TIMM50: variants seen among roughly 807,000 people sequenced by gnomAD.
TIMM50 encodes translocase of inner mitochondrial membrane 50, also known as mitochondrial import inner membrane translocase subunit TIM50.
In TIMM50, 34 loss-of-function variants were observed where a neutral mutation model predicts 49.6. That is an observed-to-expected ratio of 0.69 (90% CI 0.52 to 0.91). TIMM50 has a LOEUF of 0.91. Among genes scored for constraint, TIMM50 ranks in the 40% least tolerant of loss-of-function variants. TIMM50 has a pLI of 0.00. For missense variants in TIMM50, 458 were observed against 477.8 expected, an observed-to-expected ratio of 0.96 and a Z score of 0.39; for synonymous variants, 199 against 198.4, an observed-to-expected ratio of 1.00 and a Z score of -0.03.
At position 39,485,740 on chromosome 19, in the gene TIMM50, C is replaced by T. The variant is rs367906416; in HGVS notation, c.425C>T (p.Pro142Leu). 16 of 1,614,010 alleles carry T rather than the reference C, an allele frequency of 9.9e-6. 1 individual carries two copies. Among genetic ancestry groups the T allele is most frequent in the South Asian group, 2.2e-5 (2 of 91,082 alleles). Reference sequence around the variant, plus strand: ...CTTCTCCCAGACCCTCTGCAGGAACCGTACTACCAGCCACCCTACACGCTC... The same window carrying T: ...CTTCTCCCAGACCCTCTGCAGGAACTGTACTACCAGCCACCCTACACGCTC... ...PCLLPDPLQE[P>L]YYQPPYTLVL... Residue 142 changes from proline (P) to leucine (L), a missense_variant, in exon 6 of 11, where the codon CCG (proline) becomes CTG (leucine). Physicochemically the swap from Pro to Leu is moderately conservative, Grantham distance 98. Transcript: ENST00000607714.
At chr19:39,483,642 A>G (rs2079486766) in intron 4 of TIMM50, 1 of 156,626 alleles carries the variant, frequency 6.4e-6, no homozygotes, top group African/African-American at 2.4e-5. Context: ...CTAGGAGAAA[A>G]ATGAAATTGG....
intron 8 of TIMM50, 72 bp from the exon 9 acceptor site, chr19:39,487,986 TTTG>T: frequency 6.5e-7 from 1 of 1,542,480 alleles, no homozygotes; most frequent in Non-Finnish European, 8.8e-7. Flanking sequence ...GTATGTATGT[TTTG>T]TGTGTTTTGG....
At chr19:39,482,113 A>G (rs2079476678) in intron 2 of TIMM50, 80 bp downstream of exon 2, 1 of 1,540,468 alleles carries the variant, frequency 6.5e-7, no homozygotes, top group Non-Finnish European at 8.8e-7. Flanking sequence ...CTTGCCCACT[A>G]CCAGCTTCTC....
chr19:39,487,438 A>AATTTTT (rs1600741587), intron 8 of TIMM50, among the ~76,000 whole-genome samples: 1 of 150,514 alleles, frequency 6.6e-6, no homozygotes, highest in Non-Finnish European at 1.5e-5. Context: ...ATGCCTGGCT[A>AATTTTT]ATTTTTATTT....
intron 6 of TIMM50, 47 bp from the exon 7 acceptor site, chr19:39,486,140 G>C: frequency 6.3e-7 from 1 of 1,584,364 alleles, no homozygotes; most frequent in South Asian, 1.1e-5. Context: ...TGGGGACTCT[G>C]AGGACCTCTG....
intron 1 of TIMM50, 76 bp from the exon 2 acceptor site, chr19:39,481,807 T>C (rs2079473738): frequency 6.5e-7 from 1 of 1,537,284 alleles, no homozygotes; most frequent in South Asian, 1.2e-5. Flanking sequence ...CTGAACTTGA[T>C]TCTTCTTGGA....
At position 39,485,766 on chromosome 19, in the gene TIMM50, G is replaced by A. The variant is rs199511949; in HGVS notation, c.451G>A (p.Val151Ile). ...EPYYQPPYTL[V>I]LELTGVLLHP... ...GTACTACCAGCCACCCTACACGCTCGTTTTGGAGCTCACCGGCGTCCTCTT... is the reference window on the plus strand; with the variant it reads ...GTACTACCAGCCACCCTACACGCTCATTTTGGAGCTCACCGGCGTCCTCTT... Residue 151 changes from valine (V) to isoleucine (I), a missense_variant, in exon 6 of 11, where the codon GTT becomes ATT. Physicochemically the swap from Val to Ile is conservative, Grantham distance 29. Transcript: ENST00000607714. The A allele has an allele frequency of 1.8e-5, 29 of 1,614,124 alleles. No individual in the cohort carries two copies. The East Asian group carries it at 2.2e-4, about 12-fold the overall frequency.
Position 39,493,702 on chromosome 19 carries a change from C to T in TIMM50, c.*3882C>T, listed in dbSNP as rs1200868233. ...CTTCCCAAATACTATAAAACAGCCC[C>T]ACCCCTATCTCCCTTCGCTGACTCT... On this transcript the variant is annotated 3_prime_UTR_variant, in exon 11 of 11. Transcript: ENST00000607714. The T allele has an allele frequency of 1.3e-5, 2 of 152,188 alleles. No individual in the cohort carries two copies. The highest frequency in any genetic ancestry group is 2.9e-5 in the Non-Finnish European group (2 of 68,052). 9.4% of individuals were successfully genotyped at this position (152,188 alleles called of 1,614,324 possible). A position where few individuals can be genotyped will look rare whatever the true frequency, so the allele number is the denominator to read the frequency against.
rs2079525338 is a variant in TIMM50, at chr19:39,488,784, C to T, written c.960+139C>T. ...TCCTCTCTGCCTCAGTCTCTGTAAC[C>T]AGGGGGATATAACACAGCCTGTCCT... On this transcript the variant is annotated intron_variant, in intron 10 of 10. Coordinates refer to ENST00000607714, the MANE Select transcript of TIMM50 (RefSeq NM_001001563.5). 4.5e-6 allele frequency: 3 copies of T among 665,598 alleles called. No homozygotes were observed. The Admixed American group carries it at 7.5e-5, about 17-fold the overall frequency. 41.2% of individuals were successfully genotyped at this position (665,598 alleles called of 1,614,324 possible). A position where few individuals can be genotyped will look rare whatever the true frequency, so the allele number is the denominator to read the frequency against.
rs2079552959 is a variant in TIMM50 at position 39,492,602 on chromosome 19, C to T, written c.*2782C>T. On this transcript the variant is annotated 3_prime_UTR_variant, in exon 11 of 11. Coordinates refer to ENST00000607714, the MANE Select transcript of TIMM50 (RefSeq NM_001001563.5). ...AATATCTTAGCTGGGCACGGTGGCT[C>T]ACCCCTATAATCCCAGCACTTTGGG... 2 of 151,854 alleles carry T rather than the reference C, an allele frequency of 1.3e-5. No homozygotes were observed. Among genetic ancestry groups the T allele is most frequent in the African/African-American group, 4.8e-5 (2 of 41,288 alleles). The allele number at this position is 151,854 out of a possible 1,614,324, so 9.4% of individuals were successfully genotyped here.
chr19:39,486,110 A>G, intron 6 of TIMM50, 77 bp from the exon 7 acceptor site: 1 of 1,429,032 alleles, frequency 7.0e-7, no homozygotes, highest in Non-Finnish European at 9.9e-7. Context: ...GGAATCCCCC[A>G]GGCTGGATCT....
At chr19:39,483,231 A>T in intron 4 of TIMM50, 75 bp downstream of exon 4, 2 of 1,589,150 alleles carry the variant, frequency 1.3e-6, no homozygotes, top group Non-Finnish European at 1.7e-6. Context: ...CTCTCTCCCC[A>T]TCTGGTGTCT....
At position 39,483,297 on chromosome 19, in the gene TIMM50, G is replaced by T. The variant is rs1383555318; in HGVS notation, c.313+141G>T. 3.6e-6 allele frequency: 4 copies of T among 1,117,872 alleles called. No homozygotes were observed. In the East Asian group the frequency reaches 9.5e-5, roughly 26 times the overall value. The allele number at this position is 1,117,872 out of a possible 1,614,324, so 69.2% of individuals were successfully genotyped here. ...GGGGAGCCAGCAGCTGGATGGCTTT[G>T]TGGGGAGGGACATTACAAAGCCCAA... On this transcript the variant is annotated intron_variant, in intron 4 of 10. Transcript: ENST00000607714.
intron 4 of TIMM50, chr19:39,483,361 A>T: frequency 1.0e-5 from 6 of 586,802 alleles, no homozygotes; most frequent in South Asian, 2.0e-5. Context: ...GCAGATGGTC[A>T]GAGACAGATG....
chr19:39,488,046 G>C lies in TIMM50; in HGVS notation c.697-15G>C. The C allele has an allele frequency of 6.2e-7, 1 of 1,601,846 alleles. No individual in the cohort carries two copies. Among genetic ancestry groups the C allele is most frequent in the Non-Finnish European group, 8.5e-7 (1 of 1,171,042 alleles). Reference sequence around the variant, plus strand: ...TTGGGCACAGATGTTGACCTGATCTGTCACTCACTTCCAGGATATTTCATG... The same window carrying C: ...TTGGGCACAGATGTTGACCTGATCTCTCACTCACTTCCAGGATATTTCATG... On this transcript the variant is annotated splice_polypyrimidine_tract_variant and intron_variant, in intron 8 of 10. Transcript: ENST00000607714.
chr19:39,483,128 C>T lies in TIMM50; in HGVS notation c.292-7C>T, dbSNP rs2079483786. On this transcript the variant is annotated splice_region_variant and splice_polypyrimidine_tract_variant and intron_variant, in intron 3 of 10. Transcript: ENST00000607714. ...CTAAACCTTCCATTTTTCTCTCTACCTCCCAGATTCCTGATGAGTTCGACA... is the reference window on the plus strand; with the variant it reads ...CTAAACCTTCCATTTTTCTCTCTACTTCCCAGATTCCTGATGAGTTCGACA... 6.2e-7 allele frequency: 1 copy of T among 1,614,124 alleles called. No individual in the cohort carries two copies. Among genetic ancestry groups the T allele is most frequent in the Non-Finnish European group, 8.5e-7 (1 of 1,180,018 alleles).
In TIMM50 at chr19:39,482,166, T is replaced by C. The variant is rs2079477037; in HGVS notation, c.259+133T>C. The C allele has an allele frequency of 9.8e-6, 11 of 1,120,668 alleles. No individual in the cohort carries two copies. The South Asian group carries it at 1.5e-4, about 16-fold the overall frequency. The allele number at this position is 1,120,668 out of a possible 1,614,324, so 69.4% of individuals were successfully genotyped here. On this transcript the variant is annotated intron_variant, in intron 2 of 10. Coordinates refer to ENST00000607714, the MANE Select transcript of TIMM50 (RefSeq NM_001001563.5). ...CTCCTTCCTCAATAGGGCAGCCAAATAAGACACCTACCTTGAAAACCAGGG... is the reference window on the plus strand; with the variant it reads ...CTCCTTCCTCAATAGGGCAGCCAAACAAGACACCTACCTTGAAAACCAGGG...
In TIMM50 at chr19:39,488,117, G is replaced by A. The variant is rs1316693792; in HGVS notation, c.753G>A (p.Lys251=). The A allele has an allele frequency of 1.8e-5, 29 of 1,613,814 alleles. No homozygotes were observed. Among genetic ancestry groups the A allele is most frequent in the Non-Finnish European group, 2.2e-5 (26 of 1,179,834 alleles). The stretch of plus-strand genomic sequence containing the variant: ...GAGTAGTAGTTGTGGACTGCAAGAA[G>A]GAAGCCTTCCGCCTGCAGCCCTATA... ...PARVVVVDCK[K]EAFRLQPYNG... Residue 251 remains lysine (K), a synonymous_variant, in exon 9 of 11, where the codon AAG becomes AAA. Coordinates refer to ENST00000607714, the MANE Select transcript of TIMM50 (RefSeq NM_001001563.5).
chr19:39,483,328 C>G, intron 4 of TIMM50, 172 bp downstream of exon 4: 1 of 769,944 alleles, frequency 1.3e-6, no homozygotes, highest in South Asian at 1.7e-5. Flanking sequence ...CCCAAGCCCA[C>G]TTCCCTGGCC....
Sources: allele counts gnomAD v4.1 joint callset (sites outside exome capture counted in the v4.1 genomes callset), GRCh38; gene constraint gnomAD v4.1.1; transcripts MANE v1.5; gene names NCBI Gene and HGNC (gene_info 2026-07-23, HGNC 2026-07-21).